URM1: variants seen among roughly 807,000 people sequenced by gnomAD.
URM1 encodes ubiquitin related modifier 1.
URM1 carries 11 observed loss-of-function variants against 17.7 expected under a neutral mutation model. That is an observed-to-expected ratio of 0.62 (90% CI 0.39 to 1.03). URM1 has a LOEUF of 1.03. Ranked by LOEUF, URM1 falls within the 50% of genes least tolerant of loss-of-function variation. The pLI, the probability that URM1 is intolerant of heterozygous loss-of-function variation, is 0.00. For synonymous variants in URM1, 48 were observed against 50.6 expected, an observed-to-expected ratio of 0.95 and a Z score of 0.22; for missense variants, 128 against 129.2, an observed-to-expected ratio of 0.99 and a Z score of 0.04.
chr9:128,385,234 C>A (rs1401218985), intron 2 of URM1, among the ~76,000 whole-genome samples: 2 of 152,146 alleles, frequency 1.3e-5, no homozygotes, highest in African/African-American at 4.8e-5. Flanking sequence ...GAATGCTCCC[C>A]ACCCCACTCA....
chr9:128,377,312 A>G (rs1302630143), intron 1 of URM1, among the ~76,000 whole-genome samples: 1 of 152,190 alleles, frequency 6.6e-6, no homozygotes, highest in Admixed American at 6.5e-5. Context: ...GGATTGCTTT[A>G]GGCCAGGAGT....
Position 128,389,691 on chromosome 9 carries a change from A to G in URM1, c.263A>G (p.Asp88Gly). Residue 88 changes from aspartate to glycine, a missense_variant, in exon 5 of 5, where the codon GAC (aspartate) becomes GGC (glycine). Transcript: ENST00000372853. Reference protein sequence around the residue: ...LLGELDYQLQDQDSVLFISTL... With the variant: ...LLGELDYQLQGQDSVLFISTL... ...GGTGAGCTGGACTACCAGCTTCAGGACCAGGACAGCGTCCTCTTCATCTCC... is the reference window on the plus strand; with the variant it reads ...GGTGAGCTGGACTACCAGCTTCAGGGCCAGGACAGCGTCCTCTTCATCTCC... 6.2e-7 allele frequency: 1 copy of G among 1,613,462 alleles called. No individual in the cohort carries two copies. Among genetic ancestry groups the G allele is most frequent in the Non-Finnish European group, 8.5e-7 (1 of 1,179,990 alleles).
rs890035272 is a variant in URM1 at position 128,379,572 on chromosome 9, G to T, written c.106+1466G>T. 2.0e-5 allele frequency among the ~76,000 whole-genome samples: 3 copies of T among 152,062 alleles called. No homozygotes were observed. In the East Asian group the frequency reaches 5.8e-4, roughly 29 times the overall value. On this transcript the variant is annotated intron_variant, in intron 2 of 4. Coordinates refer to ENST00000372853, the MANE Select transcript of URM1 (RefSeq NM_030914.4). ...CCCAGCACTTTGGGAGGCCAAGGCG[G>T]GTGGATCACGAGGTCAGGAGTTCAA...
intron 1 of URM1, among the ~76,000 whole-genome samples, chr9:128,377,437 C>A (rs1241386928): frequency 6.6e-6 from 1 of 152,138 alleles, no homozygotes; most frequent in Non-Finnish European, 1.5e-5. Context: ...CTTTGAGAGG[C>A]CAAGGTGGGC....
intron 1 of URM1, among the ~76,000 whole-genome samples, chr9:128,372,150 T>C (rs1833021512): frequency 6.6e-6 from 1 of 152,134 alleles, no homozygotes; most frequent in South Asian, 2.1e-4. Flanking sequence ...AACAGGTTTG[T>C]CATATGGTTT....
intron 2 of URM1, among the ~76,000 whole-genome samples, chr9:128,379,340 G>T (rs569447883): frequency 1.3e-5 from 2 of 151,844 alleles, no homozygotes; most frequent in South Asian, 4.2e-4. Flanking sequence ...ATTAGCTGGC[G>T]CAGTGGCAGG....
At chr9:128,386,535 A>T (rs1442170311) in intron 2 of URM1, among the ~76,000 whole-genome samples, 3 of 152,260 alleles carry the variant, frequency 2.0e-5, no homozygotes, top group Non-Finnish European at 4.4e-5. Flanking sequence ...GCAAGTTGGC[A>T]CCAAGCAAAG....
intron 1 of URM1, 38 bp from the exon 2 acceptor site, chr9:128,377,998 C>T: frequency 1.2e-6 from 2 of 1,609,266 alleles, no homozygotes; most frequent in South Asian, 2.2e-5. Flanking sequence ...TTTGCAGGAG[C>T]TCACCTGGCT....
intron 1 of URM1, among the ~76,000 whole-genome samples, chr9:128,375,658 C>T (rs942314203): frequency 6.6e-6 from 1 of 152,130 alleles, no homozygotes; most frequent in African/African-American, 2.4e-5. Flanking sequence ...CTCCCAGGTT[C>T]AGGTGATCCT....
In URM1 at chr9:128,387,516, C is replaced by G. The variant is rs551348932; in HGVS notation, c.107-300C>G. On this transcript the variant is annotated intron_variant, in intron 2 of 4. Coordinates refer to ENST00000372853, the MANE Select transcript of URM1 (RefSeq NM_030914.4). This position sits in a 1 kb window ranked among gnomAD's most constrained non-coding sequence, Gnocchi z 4.3. ...GGCCTGTCTCCTAACCCTTTAGATG[C>G]GACAGTCCTCCCGCCGTCTGCCTTG... 2.0e-5 allele frequency among the ~76,000 whole-genome samples: 3 copies of G among 152,142 alleles called. No individual in the cohort carries two copies. Among genetic ancestry groups the G allele is most frequent in the African/African-American group, 7.2e-5 (3 of 41,424 alleles).
rs1833288238 is a variant in URM1, at chr9:128,389,980, G to A, written c.*246G>A. The A allele has an allele frequency of 3.5e-6, 2 of 570,562 alleles. No individual in the cohort carries two copies. The highest frequency in any genetic ancestry group is 3.3e-5 in the Admixed American group (1 of 30,230). 35.3% of individuals were successfully genotyped at this position (570,562 alleles called of 1,614,324 possible). A position where few individuals can be genotyped will look rare whatever the true frequency, so the allele number is the denominator to read the frequency against. ...CCCTTTTCCAGCAGCTGTGGTGGGG[G>A]AGGGTTCCCCTCCAGTTTGTCAAGA... On this transcript the variant is annotated 3_prime_UTR_variant, in exon 5 of 5. Transcript: ENST00000372853.
intron 2 of URM1, among the ~76,000 whole-genome samples, chr9:128,384,089 A>G (rs1275592444): frequency 6.6e-6 from 1 of 152,172 alleles, no homozygotes; most frequent in Non-Finnish European, 1.5e-5. Flanking sequence ...TGTTTGGATT[A>G]TTATCCCTGC....
At position 128,374,033 on chromosome 9, in the gene URM1, T is replaced by C. The variant is rs185026599; in HGVS notation, c.35+2618T>C. ...ATCTACAAACACATCCACCAAGAAT[T>C]GGGGGGGTTGAAGGAAGATGGAGAT... On this transcript the variant is annotated intron_variant, in intron 1 of 4. Coordinates refer to ENST00000372853, the MANE Select transcript of URM1 (RefSeq NM_030914.4). 2.3e-4 allele frequency among the ~76,000 whole-genome samples: 35 copies of C among 151,838 alleles called. No homozygotes were observed. In the East Asian group the frequency reaches 5.4e-3, roughly 23 times the overall value.
chr9:128,379,026 C>T (rs1056518298), intron 2 of URM1, among the ~76,000 whole-genome samples: 1 of 151,746 alleles, frequency 6.6e-6, no homozygotes, highest in East Asian at 1.9e-4. Context: ...GGCTGGGGAC[C>T]GGATATGGCA....
chr9:128,380,769 G>A (rs1458272246), intron 2 of URM1, among the ~76,000 whole-genome samples: 1 of 151,492 alleles, frequency 6.6e-6, no homozygotes, highest in Non-Finnish European at 1.5e-5. Context: ...CCAAGTAGCT[G>A]GGATTACAGG....
chr9:128,379,235 ACTTTGGGAGG>A (rs1367216755), intron 2 of URM1, among the ~76,000 whole-genome samples: 5 of 152,184 alleles, frequency 3.3e-5, no homozygotes, highest in Non-Finnish European at 7.3e-5. Context: ...TAATCCCAGC[ACTTTGGGAGG>A]CTGAGGCGGG....
chr9:128,388,805 TA>T (rs1054355972), intron 3 of URM1: 4 of 989,404 alleles, frequency 4.0e-6, no homozygotes, highest in Admixed American at 6.0e-5. Context: ...TGCAGAGGCC[TA>T]AAAAAAAGCC....
At chr9:128,371,348 AG>A, upstream of URM1, 1 of 1,611,168 alleles carries the variant, frequency 6.2e-7, no homozygotes, top group South Asian at 1.1e-5. Context: ...CCGGAAGTTG[AG>A]GGGAGTTTCC....
At chr9:128,385,792 T>TTGTTC (rs1280862790) in intron 2 of URM1, among the ~76,000 whole-genome samples, 3 of 151,264 alleles carry the variant, frequency 2.0e-5, no homozygotes, top group Admixed American at 6.6e-5. Flanking sequence ...CACCCCCAAA[T>TTGTTC]CCAGGCATGG....
Sources: gnomAD v4.1 joint callset for allele counts (sites outside exome capture counted in the v4.1 genomes callset) on GRCh38, gnomAD v4.1.1 for gene constraint, Gnocchi (gnomAD v3.1) non-coding constraint, MANE v1.5 for transcripts, NCBI Gene and HGNC (gene_info 2026-07-23, HGNC 2026-07-21) for gene names.